The following CCDC171 variants were observed in gnomAD, a reference collection of about 807,000 sequenced individuals.
CCDC171 encodes the protein coiled-coil domain-containing protein 171.
CCDC171 carries 177 observed loss-of-function variants against 168.2 expected under a neutral mutation model. The observed-to-expected ratio is 1.05, with a 90% confidence interval of 0.93 to 1.19. The LOEUF (loss-of-function observed/expected upper bound fraction) is 1.19. CCDC171 is among the 50% of genes most tolerant of loss of function. The pLI, the probability that CCDC171 is intolerant of heterozygous loss-of-function variation, is 0.00. For synonymous variants in CCDC171, 687 were observed against 540.8 expected (o/e 1.27, Z -3.75); for missense variants, 1,991 against 1,539.0 (o/e 1.29, Z -4.91).
chr9:15,972,165 A>T lies in CCDC171; in HGVS notation c.*329A>T. 3.7e-6 allele frequency: 1 copy of T among 267,508 alleles called. No individual in the cohort carries two copies. 16.6% of individuals were successfully genotyped at this position (267,508 alleles called of 1,614,324 possible). Reference sequence around the variant, plus strand: ...AGTCTCTATCTATCAAAGTTGTTTCATACTTGTCTATTTTAAAGCAGGACT... The same window carrying T: ...AGTCTCTATCTATCAAAGTTGTTTCTTACTTGTCTATTTTAAAGCAGGACT... On this transcript the variant is annotated 3_prime_UTR_variant, in exon 26 of 26. Transcript: ENST00000380701.
intron 2 of CCDC171, 107 bp downstream of exon 2, chr9:15,564,236 A>AGGG: frequency 1.3e-6 from 1 of 756,060 alleles, no homozygotes; most frequent in South Asian, 1.9e-5. Context: ...TGGGATGGTA[A>AGGG]GGGGAGTAGA....
chr9:16,011,663 A>G (rs1325390364), intron 3 of CCDC171, among the ~76,000 whole-genome samples: 1 of 152,150 alleles, frequency 6.6e-6, no homozygotes, highest in Non-Finnish European at 1.5e-5. Context: ...TTGTCTGTCC[A>G]TACAGTCATT....
At chr9:15,721,563 A>G (rs2053476866) in intron 11 of CCDC171, among the ~76,000 whole-genome samples, 1 of 148,510 alleles carries the variant, frequency 6.7e-6, no homozygotes, top group Non-Finnish European at 1.5e-5. Context: ...AAAGACTATT[A>G]ATACTTGGCC....
chr9:15,637,670 C>G (rs2046304735), intron 7 of CCDC171, among the ~76,000 whole-genome samples: 1 of 135,884 alleles, frequency 7.4e-6, no homozygotes, highest in African/African-American at 2.8e-5. Context: ...CTTCCTGTGT[C>G]CATGTGATCT....
intron 23 of CCDC171, among the ~76,000 whole-genome samples, chr9:15,855,591 T>G (rs1248241972): frequency 6.6e-6 from 1 of 151,890 alleles, no homozygotes; most frequent in African/African-American, 2.4e-5. Flanking sequence ...TTTCTGCATG[T>G]GTTATATCTG....
rs1041904233 is a variant in CCDC171, at chr9:15,678,996, G to A, written c.1215+100G>A. Reference sequence around the variant, plus strand: ...ACCACATTCCATGAGATAATAGTATGCAAGTTATTTTAGTGACATTGATAA... The same window carrying A: ...ACCACATTCCATGAGATAATAGTATACAAGTTATTTTAGTGACATTGATAA... On this transcript the variant is annotated intron_variant, in intron 10 of 25. Coordinates refer to ENST00000380701, the MANE Select transcript of CCDC171 (RefSeq NM_173550.4). 14 of 921,604 alleles carry A rather than the reference G, an allele frequency of 1.5e-5. 1 individual carries two copies. The South Asian group carries it at 2.5e-4, about 17-fold the overall frequency. The allele number at this position is 921,604 out of a possible 1,614,324, so 57.1% of individuals were successfully genotyped here. A position where few individuals can be genotyped will look rare whatever the true frequency, so the allele number is the denominator to read the frequency against.
intron 13 of CCDC171, among the ~76,000 whole-genome samples, chr9:15,724,266 G>A (rs553607015): frequency 3.3e-5 from 5 of 152,208 alleles, no homozygotes; most frequent in Admixed American, 6.5e-5. Context: ...TCCCAGTATT[G>A]CTGGAATTTC....
At chr9:15,878,979 G>A (rs1366960518) in intron 24 of CCDC171, among the ~76,000 whole-genome samples, 1 of 152,074 alleles carries the variant, frequency 6.6e-6, no homozygotes, top group Non-Finnish European at 1.5e-5. Flanking sequence ...GGAGGGTGTG[G>A]GAGAAGGGAG....
At chr9:15,619,586 T>C (rs934365465) in intron 6 of CCDC171, among the ~76,000 whole-genome samples, 2 of 152,136 alleles carry the variant, frequency 1.3e-5, no homozygotes, top group African/African-American at 4.8e-5. Flanking sequence ...TTCATGACTT[T>C]TAGGGAAATA....
At chr9:15,932,871 T>C (rs892156928) in intron 25 of CCDC171, among the ~76,000 whole-genome samples, 4 of 152,044 alleles carry the variant, frequency 2.6e-5, no homozygotes, top group Non-Finnish European at 5.9e-5. Flanking sequence ...ATTTTGTCTT[T>C]ATGTTAATGT....
intron 3 of CCDC171, among the ~76,000 whole-genome samples, chr9:16,001,837 C>CTTT (rs35583305): frequency 1.6e-4 from 21 of 128,016 alleles, no homozygotes; most frequent in African/African-American, 4.5e-4. Context: ...GATTTATTAT[C>CTTT]TTTTTTTTTT....
intron 7 of CCDC171, among the ~76,000 whole-genome samples, chr9:15,653,743 A>G (rs1005631608): frequency 1.3e-5 from 2 of 152,052 alleles, no homozygotes; most frequent in African/African-American, 4.8e-5. Flanking sequence ...ATTTTTTAAA[A>G]GATAAGGGTT....
chr9:16,064,293 A>T (rs530369692), downstream of CCDC171, among the ~76,000 whole-genome samples: 2 of 152,146 alleles, frequency 1.3e-5, no homozygotes, highest in African/African-American at 4.8e-5. Context: ...CAAGTTTCCA[A>T]TATTACCTCA....
chr9:16,022,060 A>G (rs975131311), intron 4 of CCDC171, among the ~76,000 whole-genome samples: 1 of 152,196 alleles, frequency 6.6e-6, no homozygotes, highest in African/African-American at 2.4e-5. Flanking sequence ...GATGATTTGG[A>G]CAGTTTACAG....
intron 7 of CCDC171, among the ~76,000 whole-genome samples, chr9:15,632,718 A>T (rs1348911251): frequency 6.6e-6 from 1 of 152,230 alleles, no homozygotes; most frequent in Non-Finnish European, 1.5e-5. Flanking sequence ...CGCCAAGTCA[A>T]TCCTAAGCCA....
At position 15,794,452 on chromosome 9, in the gene CCDC171, A is replaced by C. The variant is rs188480241; in HGVS notation, c.3267+9758A>C. On this transcript the variant is annotated intron_variant, in intron 21 of 25. Transcript: ENST00000380701. ...TGCACTCCAGCTGGGTGACAGAGCGAGACTCTGTCCCCGCCCCCACCCCCC... is the reference window on the plus strand; with the variant it reads ...TGCACTCCAGCTGGGTGACAGAGCGCGACTCTGTCCCCGCCCCCACCCCCC... Among the ~76,000 whole-genome samples, 967 of 152,170 alleles carry C rather than the reference A, an allele frequency of 6.4e-3. 12 individuals are homozygous for C. Among genetic ancestry groups the C allele is most frequent in the Admixed American group, 0.042 (638 of 15,256 alleles).
At chr9:16,049,604 C>A (rs1185995922) in intron 1 of CCDC171, among the ~76,000 whole-genome samples, 1 of 152,102 alleles carries the variant, frequency 6.6e-6, no homozygotes, top group African/African-American at 2.4e-5. Context: ...CCAGCAGCAC[C>A]CTGGGTCCTG....
At chr9:15,712,707 A>T (rs759223944) in intron 11 of CCDC171, among the ~76,000 whole-genome samples, 1 of 152,174 alleles carries the variant, frequency 6.6e-6, no homozygotes, top group African/African-American at 2.4e-5. Flanking sequence ...CCAAGTTGCT[A>T]TCTCATCCTC....
chr9:16,079,844 G>A, the CCDC171 span, among the ~76,000 whole-genome samples: 3 of 152,166 alleles, frequency 2.0e-5, no homozygotes, highest in Non-Finnish European at 2.9e-5. Flanking sequence ...ACTGTCCTAG[G>A]CACTTATATT....
Sources: gnomAD v4.1 joint callset for allele counts (sites outside exome capture counted in the v4.1 genomes callset) on GRCh38, gnomAD v4.1.1 for gene constraint, MANE v1.5 for transcripts, NCBI Gene and HGNC (gene_info 2026-07-23, HGNC 2026-07-21) for gene names.